The following NEBL variants were observed in gnomAD, a reference collection of about 807,000 sequenced individuals.
NEBL encodes the protein nebulette, also known as LIM and SH3 protein 2.
A neutral mutation model predicts 140.2 loss-of-function variants in NEBL; 122 were observed. The ratio of observed to expected loss-of-function variants is 0.87; its 90% CI spans 0.75 to 1.01. The LOEUF is 1.01. NEBL is among the 50% of genes least tolerant of loss of function. The probability of loss-of-function intolerance (pLI) is 0.00; values close to 1 mark genes in which losing one functional copy is unlikely to be tolerated. For synonymous variants in NEBL, 436 were observed against 398.9 expected, an observed-to-expected ratio of 1.09 and a Z score of -1.11; for missense variants, 1,365 against 1,231.3, an observed-to-expected ratio of 1.11 and a Z score of -1.62.
chr10:20,904,371 T>A (rs1848003071), intron 4 of NEBL, among the ~76,000 whole-genome samples: 1 of 152,224 alleles, frequency 6.6e-6, no homozygotes, highest in African/African-American at 2.4e-5. Flanking sequence ...CCTCATTTAT[T>A]AATGAGTTAA....
Position 20,907,516 on chromosome 10 carries a change from C to G in NEBL, c.357+54156G>C, listed in dbSNP as rs145265253. Among the ~76,000 whole-genome samples, 526 of 152,190 alleles carry G rather than the reference C, an allele frequency of 3.5e-3. 7 individuals carry two copies. The highest frequency in any genetic ancestry group is 0.011 in the African/African-American group (457 of 41,536). On this transcript the variant is annotated intron_variant, in intron 4 of 6. Coordinates refer to the NEBL transcript ENST00000417816. ...GCAAAAAGTCCAAATAGTGAAATAT[C>G]TTCCATCGATACTCCCATTTTTACC...
chr10:21,040,093 C>T (rs866358281), intron 2 of NEBL, among the ~76,000 whole-genome samples: 4 of 152,170 alleles, frequency 2.6e-5, no homozygotes, highest in South Asian at 2.1e-4. Context: ...TTTAACTGGG[C>T]GTGGTGGCCC....
chr10:20,791,666 AT>A (rs1418343510), intron 26 of NEBL, among the ~76,000 whole-genome samples: 1 of 152,098 alleles, frequency 6.6e-6, no homozygotes, highest in Non-Finnish European at 1.5e-5. Flanking sequence ...AAGCACTGGG[AT>A]TATGGGCGTG....
At chr10:21,164,625 C>G (rs1206130980) in intron 2 of NEBL, among the ~76,000 whole-genome samples, 1 of 152,118 alleles carries the variant, frequency 6.6e-6, no homozygotes, top group East Asian at 1.9e-4. Context: ...TCAAAGGCAC[C>G]TTTCAGAAAC....
intron 3 of NEBL, among the ~76,000 whole-genome samples, chr10:21,011,426 A>C (rs911953176): frequency 6.6e-6 from 1 of 152,220 alleles, no homozygotes; most frequent in Non-Finnish European, 1.5e-5. Flanking sequence ...CATCGGTTGC[A>C]TTGAGTCCAT....
At chr10:21,019,074 C>T (rs1838676323) in intron 3 of NEBL, among the ~76,000 whole-genome samples, 1 of 152,176 alleles carries the variant, frequency 6.6e-6, no homozygotes, top group Non-Finnish European at 1.5e-5. Context: ...CATGTTCAAG[C>T]CTGTTAGCTG....
At chr10:20,970,159 T>A (rs1836505003) in intron 3 of NEBL, among the ~76,000 whole-genome samples, 1 of 152,144 alleles carries the variant, frequency 6.6e-6, no homozygotes, top group African/African-American at 2.4e-5. Flanking sequence ...AATGAGTGTT[T>A]TACATTATTG....
At position 20,784,440 on chromosome 10, in the gene NEBL, T is replaced by TA. The variant is rs1231891890; in HGVS notation, c.*1306dup. ...AGAGAACAGGCTCTTGGGCCTGTAC[T>TA]AAAAAATCTCTGATGACATTCCTGT... On this transcript the variant is annotated 3_prime_UTR_variant, in exon 28 of 28. Coordinates refer to ENST00000377122, the MANE Select transcript of NEBL (RefSeq NM_006393.3). The TA allele has an allele frequency of 3.3e-5, 5 of 152,152 alleles. No individual in the cohort carries two copies. The highest frequency in any genetic ancestry group is 4.1e-4 in the South Asian group (2 of 4,824). 9.4% of individuals were successfully genotyped at this position (152,152 alleles called of 1,614,324 possible). A position where few individuals can be genotyped will look rare whatever the true frequency, so the allele number is the denominator to read the frequency against.
intron 3 of NEBL, among the ~76,000 whole-genome samples, chr10:21,229,787 T>C (rs1263924023): frequency 6.6e-6 from 1 of 152,222 alleles, no homozygotes; most frequent in African/African-American, 2.4e-5. Context: ...CCACGTCACA[T>C]ACCTTTGTAT....
chr10:21,195,934 A>G (rs1564540818), intron 3 of NEBL, among the ~76,000 whole-genome samples: 1 of 152,192 alleles, frequency 6.6e-6, no homozygotes. Context: ...TGATTATACC[A>G]ACACAAAACC....
At chr10:21,220,116 T>C (rs1300956904) in intron 3 of NEBL, among the ~76,000 whole-genome samples, 2 of 152,254 alleles carry the variant, frequency 1.3e-5, no homozygotes, top group South Asian at 2.1e-4. Flanking sequence ...TTTCACCATG[T>C]TGGCCAGGCT....
intron 3 of NEBL, among the ~76,000 whole-genome samples, chr10:21,206,752 C>G (rs1841832063): frequency 6.6e-6 from 1 of 152,066 alleles, no homozygotes; most frequent in Admixed American, 6.6e-5. Flanking sequence ...AGAAGAGTGC[C>G]AGAAGAAGTC....
intron 3 of NEBL, among the ~76,000 whole-genome samples, chr10:21,237,848 C>T (rs985846310): frequency 5.3e-5 from 8 of 152,282 alleles, no homozygotes; most frequent in African/African-American, 1.7e-4. Context: ...CTCAGGTGAT[C>T]CACCCGCCTC....
chr10:20,824,291 A>G (rs1839629488), intron 18 of NEBL, among the ~76,000 whole-genome samples: 1 of 152,212 alleles, frequency 6.6e-6, no homozygotes, highest in South Asian at 2.1e-4. Flanking sequence ...TCACCTGGTA[A>G]TGTTTAAAAT....
chr10:21,041,222 G>A (rs1834254034), intron 2 of NEBL, among the ~76,000 whole-genome samples: 1 of 152,168 alleles, frequency 6.6e-6, no homozygotes, highest in Admixed American at 6.5e-5. Flanking sequence ...CCACCCTCAA[G>A]TAGGCCCTAA....
At position 20,945,420 on chromosome 10, in the gene NEBL, AG is replaced by A. The variant is rs1835106932; in HGVS notation, c.357+16251del. On this transcript the variant is annotated intron_variant, in intron 4 of 6. Transcript: ENST00000417816. ...CCTAAGATAGTGTCAAGCTCAGAAAAGGTACCTTCAGAGAATGGAGGAACAA... is the reference window on the plus strand; with the variant it reads ...CCTAAGATAGTGTCAAGCTCAGAAAAGTACCTTCAGAGAATGGAGGAACAA... Among the ~76,000 whole-genome samples, 3 of 152,356 alleles carry A rather than the reference AG, an allele frequency of 2.0e-5. No individual in the cohort carries two copies. In the South Asian group the frequency reaches 6.2e-4, roughly 32 times the overall value.
chr10:21,091,350 G>A (rs1004831987), intron 2 of NEBL, among the ~76,000 whole-genome samples: 1 of 152,164 alleles, frequency 6.6e-6, no homozygotes, highest in Non-Finnish European at 1.5e-5. Flanking sequence ...AAGAGTTCAT[G>A]TGTCTGGGCC....
chr10:21,002,615 G>A lies in NEBL; in HGVS notation c.249+17502C>T, dbSNP rs999695374. Among the ~76,000 whole-genome samples the A allele has an allele frequency of 7.4e-4, 112 of 152,166 alleles. 1 individual carries two copies. The highest frequency in any genetic ancestry group is 3.2e-4 in the Non-Finnish European group (22 of 68,028). On this transcript the variant is annotated intron_variant, in intron 3 of 6. Coordinates refer to the NEBL transcript ENST00000417816. ...AGGCTGTACAGGAAGCATGGATGGA[G>A]AGGTCTCAGGAAACTCACAATCATG...
At chr10:20,830,865 C>A (rs1840334595) in intron 16 of NEBL, among the ~76,000 whole-genome samples, 1 of 141,492 alleles carries the variant, frequency 7.1e-6, no homozygotes, top group Non-Finnish European at 1.5e-5. Flanking sequence ...GATGGTGCCA[C>A]TGCATTCCAG....
Sources: allele counts gnomAD v4.1 joint callset (sites outside exome capture counted in the v4.1 genomes callset), GRCh38; gene constraint gnomAD v4.1.1; transcripts MANE v1.5; gene names NCBI Gene and HGNC (gene_info 2026-07-23, HGNC 2026-07-21).